ITPRID2: variants seen among roughly 807,000 people sequenced by gnomAD.
ITPRID2 encodes the protein ITPR interacting domain containing 2, also known as protein ITPRID2.
In ITPRID2, 60 loss-of-function variants were observed where a neutral mutation model predicts 124.3. The observed-to-expected ratio is 0.48, with a 90% CI of 0.39 to 0.60. The LOEUF (loss-of-function observed/expected upper bound fraction) is 0.60. Among genes scored for constraint, ITPRID2 ranks in the 20% least tolerant of loss-of-function variants. The pLI, the probability that ITPRID2 is intolerant of heterozygous loss-of-function variation, is 0.00. For synonymous variants in ITPRID2, 521 were observed against 542.9 expected (o/e 0.96, Z 0.56); for missense variants, 1,553 against 1,512.2 (o/e 1.03, Z -0.45).
chr2:181,928,536 T>C (rs1427081493), intron 17 of ITPRID2, among the ~76,000 whole-genome samples: 1 of 152,202 alleles, frequency 6.6e-6, no homozygotes, highest in Non-Finnish European at 1.5e-5. Context: ...AATCCTGGAA[T>C]TGGACCTTCA....
chr2:181,892,282 G>T lies in ITPRID2; in HGVS notation c.211+5G>T, dbSNP rs1217506018. The stretch of plus-strand genomic sequence containing the variant: ...TGCCGGCAGCGGGGGGAAGAGGTCG[G>T]TGCTCCCGGCCGGGCTCCGGGGGGA... On this transcript the variant is annotated splice_donor_5th_base_variant and intron_variant, in intron 1 of 17. Transcript: ENST00000431877. The surrounding 1 kb of genome is among the most constrained non-coding windows in gnomAD (Gnocchi z 5.2). 1.9e-6 allele frequency: 3 copies of T among 1,544,028 alleles called. No homozygotes were observed. The highest frequency in any genetic ancestry group is 2.7e-5 in the African/African-American group (2 of 72,904).
rs755282365 is a variant in ITPRID2, at chr2:181,902,037, T to C, written c.984T>C (p.Asn328=). Residue 328 remains asparagine, a synonymous_variant, in exon 8 of 18, where the codon AAT becomes AAC. Coordinates refer to ENST00000431877, the MANE Select transcript of ITPRID2 (RefSeq NM_001130445.3). The surrounding 1 kb of genome is among the most constrained non-coding windows in gnomAD (Gnocchi z 4.4). ...CAGCTGAAAAAGGAAAGATTCTAAATGTTTCAGTGATTGAAGAAAGTGGCA... is the reference window on the plus strand; with the variant it reads ...CAGCTGAAAAAGGAAAGATTCTAAACGTTTCAGTGATTGAAGAAAGTGGCA... ...SPSAEKGKIL[N]VSVIEESGNK... 1 of 1,613,040 alleles carries C rather than the reference T, an allele frequency of 6.2e-7. No individual in the cohort carries two copies. The highest frequency in any genetic ancestry group is 1.1e-5 in the South Asian group (1 of 90,744).
At chr2:181,912,381 T>G (rs1693672106) in intron 9 of ITPRID2, among the ~76,000 whole-genome samples, 1 of 152,230 alleles carries the variant, frequency 6.6e-6, no homozygotes, top group African/African-American at 2.4e-5. Flanking sequence ...CTTATTGCAG[T>G]TCAGTTTCAC....
At chr2:181,906,360 T>G (rs1475873492) in intron 8 of ITPRID2, among the ~76,000 whole-genome samples, 2 of 152,214 alleles carry the variant, frequency 1.3e-5, no homozygotes, top group African/African-American at 4.8e-5. Context: ...ACTACTTTAC[T>G]GTTTGAAAGT....
intron 9 of ITPRID2, among the ~76,000 whole-genome samples, chr2:181,913,161 A>G (rs1693747145): frequency 6.6e-6 from 1 of 151,824 alleles, no homozygotes; most frequent in African/African-American, 2.4e-5. Context: ...TCCACCTCCC[A>G]GGTTTACTCC....
chr2:181,926,863 T>G (rs1247952113), intron 16 of ITPRID2, among the ~76,000 whole-genome samples: 1 of 152,216 alleles, frequency 6.6e-6, no homozygotes, highest in Non-Finnish European at 1.5e-5. Context: ...GCAGTGGTCC[T>G]AATTCAGTAT....
Position 181,891,928 on chromosome 2 carries a change from T to C in ITPRID2, c.-139T>C, listed in dbSNP as rs1574177977. ...TCCCTCCCTCCCTGTCCCCTCCTCCTCCTCCTCCTCCTCCGGCGCCCGCTT... is the reference window on the plus strand; with the variant it reads ...TCCCTCCCTCCCTGTCCCCTCCTCCCCCTCCTCCTCCTCCGGCGCCCGCTT... On this transcript the variant is annotated 5_prime_UTR_variant, in exon 1 of 18. Coordinates refer to ENST00000431877, the MANE Select transcript of ITPRID2 (RefSeq NM_001130445.3). 1 of 332,098 alleles carries C rather than the reference T, an allele frequency of 3.0e-6. No homozygotes were observed. Among genetic ancestry groups the C allele is most frequent in the Non-Finnish European group, 5.7e-6 (1 of 175,078 alleles). 20.6% of individuals were successfully genotyped at this position (332,098 alleles called of 1,614,324 possible).
chr2:181,893,319 AC>A (rs947173258), intron 2 of ITPRID2: 8 of 152,268 alleles, frequency 5.3e-5, no homozygotes, highest in African/African-American at 1.9e-4. Flanking sequence ...AAATCTGACT[AC>A]AGCAAAATGT....
At chr2:181,901,014 G>T in intron 7 of ITPRID2, 110 bp downstream of exon 7, 1 of 860,428 alleles carries the variant, frequency 1.2e-6, no homozygotes, top group Non-Finnish European at 1.7e-6. Context: ...AAAGTAAAGA[G>T]ATTGATTAAC....
chr2:181,921,916 A>G, intron 15 of ITPRID2, 32 bp from the exon 16 acceptor site: 1 of 1,575,942 alleles, frequency 6.3e-7, no homozygotes, highest in Non-Finnish European at 8.6e-7. Context: ...TAATTCCAAG[A>G]GAGAAGAATA....
chr2:181,921,130 G>A (rs1469620996), intron 15 of ITPRID2, among the ~76,000 whole-genome samples: 1 of 152,138 alleles, frequency 6.6e-6, no homozygotes, highest in African/African-American at 2.4e-5. Context: ...GCTACAGTGA[G>A]CTATGATTGT....
chr2:181,892,468 A>T lies in ITPRID2; in HGVS notation c.212-147A>T. 8.4e-7 allele frequency: 1 copy of T among 1,196,850 alleles called. No homozygotes were observed. 74.1% of individuals were successfully genotyped at this position (1,196,850 alleles called of 1,614,324 possible). A position where few individuals can be genotyped will look rare whatever the true frequency, so the allele number is the denominator to read the frequency against. Reference sequence around the variant, plus strand: ...GCGTCAACACAGACAACTGGGTGCCATCCGATTTCCCTGCCAAGGGACACT... The same window carrying T: ...GCGTCAACACAGACAACTGGGTGCCTTCCGATTTCCCTGCCAAGGGACACT... On this transcript the variant is annotated intron_variant, in intron 1 of 17. Coordinates refer to ENST00000431877, the MANE Select transcript of ITPRID2 (RefSeq NM_001130445.3). This position sits in a 1 kb window ranked among gnomAD's most constrained non-coding sequence, Gnocchi z 5.2.
chr2:181,913,579 T>G (rs1693793204), intron 9 of ITPRID2, among the ~76,000 whole-genome samples: 1 of 152,206 alleles, frequency 6.6e-6, no homozygotes, highest in Admixed American at 6.5e-5. Flanking sequence ...AGATTATAAT[T>G]AGAGCTTAAT....
In ITPRID2 at chr2:181,892,152, A is replaced by G. The variant is rs1050350592; in HGVS notation, c.86A>G (p.Lys29Arg). 1.3e-6 allele frequency: 2 copies of G among 1,557,286 alleles called. No individual in the cohort carries two copies. Among genetic ancestry groups the G allele is most frequent in the Non-Finnish European group, 8.7e-7 (1 of 1,150,820 alleles). The change falls in exon 1 of 18, where the codon AAG becomes AGG. Residue 29 changes from lysine (K) to arginine (R), a missense_variant. Transcript: ENST00000431877. This position sits in a 1 kb window ranked among gnomAD's most constrained non-coding sequence, Gnocchi z 5.2. ...VASRRRKAWA[K>R]CRSSWQASET... is the part of the protein sequence containing the mutation. ...AGTCGCAGGAGGAAGGCCTGGGCCA[A>G]GTGCCGCAGCTCCTGGCAAGCGTCG...
In ITPRID2 at chr2:181,919,240, A is replaced by G. The variant is rs949249460; in HGVS notation, c.2994-56A>G. The G allele has an allele frequency of 6.3e-7, 1 of 1,595,388 alleles. No individual in the cohort carries two copies. The highest frequency in any genetic ancestry group is 2.2e-5 in the East Asian group (1 of 44,740). On this transcript the variant is annotated intron_variant, in intron 13 of 17. Transcript: ENST00000431877. The surrounding 1 kb of genome is among the most constrained non-coding windows in gnomAD (Gnocchi z 4.2). ...TATAGTAGTTGTTGAAAGATTTGTG[A>G]TTAGGAATCTCCAAACTGCATTTTT...
Position 181,916,888 on chromosome 2 carries a change from A to G in ITPRID2, c.2787+461A>G, listed in dbSNP as rs1694103215. The G allele has an allele frequency of 3.0e-6, 3 of 997,802 alleles. No individual in the cohort carries two copies. In the South Asian group the frequency reaches 1.3e-4, roughly 44 times the overall value. The allele number at this position is 997,802 out of a possible 1,614,324, so 61.8% of individuals were successfully genotyped here. A position where few individuals can be genotyped will look rare whatever the true frequency, so the allele number is the denominator to read the frequency against. The stretch of plus-strand genomic sequence containing the variant: ...ACCACGTTCTCCTGGTTCTGCTCGT[A>G]GCTCTCTGACTAAGCTTTCCCCTTC... On this transcript the variant is annotated intron_variant, in intron 11 of 17. Transcript: ENST00000431877.
In ITPRID2 at chr2:181,892,805, C is replaced by G. The variant is rs972108635; in HGVS notation, c.257+145C>G. ...AAGTGAGCCGGCGGATAGCTTCCTC[C>G]TCTAAGCGATTAGAAATGGAAGTGC... On this transcript the variant is annotated intron_variant, in intron 2 of 17. Transcript: ENST00000431877. This position sits in a 1 kb window ranked among gnomAD's most constrained non-coding sequence, Gnocchi z 5.2. 2.3e-5 allele frequency: 20 copies of G among 869,914 alleles called. No individual in the cohort carries two copies. The East Asian group carries it at 5.3e-4, about 23-fold the overall frequency. 53.9% of individuals were successfully genotyped at this position (869,914 alleles called of 1,614,324 possible).
rs766423328 is a variant in ITPRID2, at chr2:181,916,244, C to T, written c.2604C>T (p.His868=). ...AGCACACAAGAACTCTGAGCACTCA[C>T]AGTGTTCCCAACATATCAGGGGCTA... ...LCEHTRTLST[H]SVPNISGATC... The change falls in exon 11 of 18, where the codon CAC becomes CAT. Residue 868 remains histidine (H), a synonymous_variant. Transcript: ENST00000431877. The T allele has an allele frequency of 1.9e-6, 3 of 1,614,194 alleles. No individual in the cohort carries two copies. Among genetic ancestry groups the T allele is most frequent in the East Asian group, 2.2e-5 (1 of 44,884 alleles).
chr2:181,909,477 A>T (rs539030825), intron 8 of ITPRID2, among the ~76,000 whole-genome samples: 9 of 152,258 alleles, frequency 5.9e-5, no homozygotes. Flanking sequence ...TTCCTTATGG[A>T]TCTGTTTTTC....
Sources: gnomAD v4.1 joint callset for allele counts (sites outside exome capture counted in the v4.1 genomes callset) on GRCh38, gnomAD v4.1.1 for gene constraint, Gnocchi (gnomAD v3.1) non-coding constraint, MANE v1.5 for transcripts, NCBI Gene and HGNC (gene_info 2026-07-23, HGNC 2026-07-21) for gene names.